Variants in PRLR observed in about 807,000 individuals in gnomAD.
The protein encoded by PRLR is hPRL receptor.
In PRLR, 13 loss-of-function variants were observed where a neutral mutation model predicts 40.2. The ratio of observed to expected loss-of-function variants is 0.32; its 90% confidence interval spans 0.21 to 0.51. The LOEUF is 0.51. Ranked by LOEUF, PRLR falls within the 20% of genes least tolerant of loss-of-function variation. The probability of loss-of-function intolerance (pLI) is 0.97; values close to 1 mark genes in which losing one functional copy is unlikely to be tolerated. For missense variants in PRLR, 656 were observed against 747.3 expected (o/e 0.88, Z 1.42); for synonymous variants, 269 against 278.7 (o/e 0.97, Z 0.35).
At position 35,070,145 on chromosome 5, in the gene PRLR, T is replaced by A. The variant is rs754557793; in HGVS notation, c.664A>T (p.Thr222Ser). 5 of 1,613,250 alleles carry A rather than the reference T, an allele frequency of 3.1e-6. No individual in the cohort carries two copies. The Admixed American group carries it at 6.7e-5, about 22-fold the overall frequency. Reference protein sequence around the residue: ...HGYWSAWSPATFIQIPSDFTM... With the variant: ...HGYWSAWSPASFIQIPSDFTM... ...TCACCACTAGGTATCTGAATGAAGG[T>A]CGCTGGACTCCATGCACTCCAGTAT... Residue 222 changes from threonine to serine, a missense_variant, in exon 7 of 10, where the codon ACC becomes TCC. Physicochemically the swap from Thr to Ser is moderately conservative, Grantham distance 58. Around this residue, in one of 3 missense-constraint regions of PRLR, gnomAD observed 469 missense variants for 491.5 expected, o/e 0.95. Coordinates refer to ENST00000618457, the MANE Select transcript of PRLR (RefSeq NM_000949.7).
rs777141966 is a variant in PRLR at position 35,065,585 on chromosome 5, G to A, written c.1373C>T (p.Ala458Val). 3 of 1,613,962 alleles carry A rather than the reference G, an allele frequency of 1.9e-6. No homozygotes were observed. The South Asian group carries it at 3.3e-5, about 18-fold the overall frequency. Residue 458 changes from alanine (A) to valine (V), a missense_variant, in exon 10 of 10, where the codon GCT (alanine) becomes GTT (valine). This residue lies in a region of PRLR where 469 missense variants were observed against 491.5 expected (regional missense o/e 0.95). Transcript: ENST00000618457. ...CTTAATGGTTTGAGAGGATTTTAAA[G>A]CATCTTTACCTGCTTCATTCAACAG... ...ATLLNEAGKDALKSSQTIKSR... is the reference protein window; with the variant it reads ...ATLLNEAGKDVLKSSQTIKSR...
At chr5:35,100,130 A>C (rs2112507350) in intron 2 of PRLR, among the ~76,000 whole-genome samples, 1 of 146,966 alleles carries the variant, frequency 6.8e-6, no homozygotes, top group East Asian at 2.1e-4. Flanking sequence ...GTGAGCCGAG[A>C]TTTGCAGCGA....
Position 35,056,257 on chromosome 5 carries a change from C to G in PRLR, c.*8832G>C, listed in dbSNP as rs1433642180. The G allele has an allele frequency of 6.6e-6, 1 of 152,090 alleles. No homozygotes were observed. Among genetic ancestry groups the G allele is most frequent in the African/African-American group, 2.4e-5 (1 of 41,400 alleles). The allele number at this position is 152,090 out of a possible 1,614,324, so 9.4% of individuals were successfully genotyped here. A position where few individuals can be genotyped will look rare whatever the true frequency, so the allele number is the denominator to read the frequency against. ...AAGAATTCCAGTTTAGGTGTTGGGACTTCCAAGGTAGAATACATCTGACAA... is the reference window on the plus strand; with the variant it reads ...AAGAATTCCAGTTTAGGTGTTGGGAGTTCCAAGGTAGAATACATCTGACAA... On this transcript the variant is annotated 3_prime_UTR_variant, in exon 10 of 10. Transcript: ENST00000618457.
chr5:35,062,868 T>C lies in PRLR; in HGVS notation c.*2221A>G, dbSNP rs1236270223. 1 of 152,224 alleles carries C rather than the reference T, an allele frequency of 6.6e-6. No individual in the cohort carries two copies. Among genetic ancestry groups the C allele is most frequent in the Non-Finnish European group, 1.5e-5 (1 of 68,038 alleles). 9.4% of individuals were successfully genotyped at this position (152,224 alleles called of 1,614,324 possible). A position where few individuals can be genotyped will look rare whatever the true frequency, so the allele number is the denominator to read the frequency against. On this transcript the variant is annotated 3_prime_UTR_variant, in exon 10 of 10. Transcript: ENST00000618457. ...TCTTAAACTACTGATATGTTTCTTT[T>C]TTTGCCTGCTTACATGCAGTGTTGT...
At position 35,065,428 on chromosome 5, in the gene PRLR, C is replaced by T. The variant is rs1029040432; in HGVS notation, c.1530G>A (p.Val510=). The T allele has an allele frequency of 1.9e-6, 3 of 1,614,092 alleles. No homozygotes were observed. The highest frequency in any genetic ancestry group is 1.7e-5 in the Admixed American group (1 of 60,010). ...PFGSAKPLDY[V]EIHKVNKDGA... Reference sequence around the variant, plus strand: ...CATCTTTGTTGACCTTGTGAATCTCCACATAATCCAAGGGTTTAGCGGAGC... The same window carrying T: ...CATCTTTGTTGACCTTGTGAATCTCTACATAATCCAAGGGTTTAGCGGAGC... The change falls in exon 10 of 10, where the codon GTG becomes GTA. Residue 510 remains valine, a synonymous_variant. Coordinates refer to ENST00000618457, the MANE Select transcript of PRLR (RefSeq NM_000949.7).
chr5:35,199,853 C>A (rs776211182), intron 1 of PRLR, among the ~76,000 whole-genome samples: 1 of 152,136 alleles, frequency 6.6e-6, no homozygotes, highest in Non-Finnish European at 1.5e-5. Context: ...TCTATTATCA[C>A]AACTAAATAG....
chr5:35,104,541 T>A (rs1772100840), intron 2 of PRLR, among the ~76,000 whole-genome samples: 1 of 152,096 alleles, frequency 6.6e-6, no homozygotes, highest in South Asian at 2.1e-4. Context: ...ACTTTTCCAA[T>A]GGTCTTAGCA....
downstream of PRLR, among the ~76,000 whole-genome samples, chr5:35,051,815 C>A (rs1002131040): frequency 1.3e-5 from 2 of 151,958 alleles, no homozygotes; most frequent in Admixed American, 6.6e-5. Context: ...AAAGACACAC[C>A]TAAAACATAA....
intron 2 of PRLR, among the ~76,000 whole-genome samples, chr5:35,108,562 A>G: frequency 6.6e-6 from 1 of 152,214 alleles, no homozygotes; most frequent in East Asian, 1.9e-4. Context: ...GCATTCCTAT[A>G]CACCAATAAG....
chr5:35,215,262 T>C (rs138738974), intron 1 of PRLR, among the ~76,000 whole-genome samples: 18 of 152,274 alleles, frequency 1.2e-4, no homozygotes, highest in Admixed American at 3.3e-4. Flanking sequence ...GGTTTGTTGG[T>C]GAAGTACAAG....
chr5:35,049,259 C>T, exon 9 of PRLR: 1 of 703,082 alleles, frequency 1.4e-6, no homozygotes, highest in Non-Finnish European at 2.6e-6. Flanking sequence ...ATGTTGAGTT[C>T]CTGAATTCTG....
At chr5:35,142,266 G>A (rs1489452256) in intron 1 of PRLR, among the ~76,000 whole-genome samples, 1 of 152,152 alleles carries the variant, frequency 6.6e-6, no homozygotes, top group Non-Finnish European at 1.5e-5. Flanking sequence ...CAGAATTGGG[G>A]CTTTCTGAAA....
intron 1 of PRLR, among the ~76,000 whole-genome samples, chr5:35,189,090 T>C (rs1427340073): frequency 1.3e-5 from 2 of 152,112 alleles, no homozygotes; most frequent in Admixed American, 1.3e-4. Context: ...CACAGATACA[T>C]GCATGCAGGG....
intron 5 of PRLR, among the ~76,000 whole-genome samples, chr5:35,079,588 C>T (rs1162566389): frequency 6.6e-6 from 1 of 152,196 alleles, no homozygotes; most frequent in East Asian, 1.9e-4. Context: ...ACATTCCATG[C>T]TCATGGATAG....
chr5:35,068,264 C>A lies in PRLR; in HGVS notation c.807G>T (p.Pro269=), dbSNP rs200768734. The A allele has an allele frequency of 1.5e-5, 24 of 1,613,006 alleles. No individual in the cohort carries two copies. The highest frequency in any genetic ancestry group is 1.1e-4 in the South Asian group (10 of 91,064). ...KGYSMVTCIF[P]PVPGPKIKGF... is the part of the protein sequence containing the mutation. ...CTTTTATTTTTGGCCCAGGAACTGG[C>A]GGAAAGATGCAGGTCACCATGCTAT... Residue 269 remains proline (P), a synonymous_variant, in exon 9 of 10, where the codon CCG becomes CCT. Transcript: ENST00000618457.
At chr5:35,055,584 C>T (rs1026633678), downstream of PRLR, 7 of 152,116 alleles carry the variant, frequency 4.6e-5, no homozygotes, top group East Asian at 3.9e-4. Context: ...CCCCCTCCTT[C>T]TTTAAAAAAA....
At chr5:35,218,411 T>TA (rs1316537281) in intron 1 of PRLR, among the ~76,000 whole-genome samples, 3,969 of 152,312 alleles carry the variant, frequency 0.026, 195 homozygotes, top group African/African-American at 0.09. Flanking sequence ...AATATATAAC[T>TA]AGTTTAAACA....
intron 6 of PRLR, among the ~76,000 whole-genome samples, chr5:35,070,841 C>CA (rs34668616): frequency 0.021 from 1,466 of 68,732 alleles, 28 homozygotes; most frequent in East Asian, 0.062. Context: ...AACTCCGTCT[C>CA]AAAAAAAAAA....
chr5:35,065,223 C>A lies in PRLR; in HGVS notation c.1735G>T (p.Ala579Ser), dbSNP rs368429661. Residue 579 changes from alanine (A) to serine (S), a missense_variant, in exon 10 of 10, where the codon GCC becomes TCC. Transcript: ENST00000618457. ...VACFEESAKE[A>S]PPSLEQNQAE... ...TGATTCTGTTCAAGTGATGGTGGGG[C>A]CTCTTTGGCTGATTCTTCAAAGCAA... 3 of 1,613,992 alleles carry A rather than the reference C, an allele frequency of 1.9e-6. No individual in the cohort carries two copies. The highest frequency in any genetic ancestry group is 1.7e-6 in the Non-Finnish European group (2 of 1,180,018).
Sources: allele counts gnomAD v4.1 joint callset (sites outside exome capture counted in the v4.1 genomes callset), GRCh38; gene constraint gnomAD v4.1.1; regional missense constraint gnomAD v4.1.1; transcripts MANE v1.5; gene names NCBI Gene and HGNC (gene_info 2026-07-23, HGNC 2026-07-21).